DNAJA3: variants seen among roughly 807,000 people sequenced by gnomAD.
DNAJA3 encodes dnaJ homolog subfamily A member 3, mitochondrial.
In DNAJA3, 29 loss-of-function variants were observed where a neutral mutation model predicts 54.9. The ratio of observed to expected loss-of-function variants is 0.53; its 90% confidence interval spans 0.39 to 0.72. The LOEUF (loss-of-function observed/expected upper bound fraction) is 0.72. Among genes scored for constraint, DNAJA3 ranks in the 30% least tolerant of loss-of-function variants. The probability of loss-of-function intolerance (pLI) is 0.00; values close to 1 mark genes in which losing one functional copy is unlikely to be tolerated. For synonymous variants in DNAJA3, 302 were observed against 251.4 expected (o/e 1.20, Z -1.90); for missense variants, 708 against 639.4 (o/e 1.11, Z -1.16).
intron 1 of DNAJA3, among the ~76,000 whole-genome samples, chr16:4,429,467 C>T (rs370626224): frequency 6.6e-6 from 1 of 151,932 alleles, no homozygotes; most frequent in African/African-American, 2.4e-5. Flanking sequence ...ATGATCTGTC[C>T]ACCTCAGCCT....
In DNAJA3 at chr16:4,455,796, T is replaced by A; in HGVS notation, c.*264T>A. 1.7e-6 allele frequency: 1 copy of A among 594,050 alleles called. No homozygotes were observed. The highest frequency in any genetic ancestry group is 3.0e-6 in the Non-Finnish European group (1 of 332,632). 36.8% of individuals were successfully genotyped at this position (594,050 alleles called of 1,614,324 possible). On this transcript the variant is annotated 3_prime_UTR_variant, in exon 12 of 12. Transcript: ENST00000262375. ...CTGTCCATTGGTAGGTGACGGCCCC[T>A]GGCTCAGGCAGAGGGAGATGGTTAG...
chr16:4,453,381 C>T (rs1232712953), intron 10 of DNAJA3, among the ~76,000 whole-genome samples: 1 of 151,850 alleles, frequency 6.6e-6, no homozygotes, highest in Non-Finnish European at 1.5e-5. Context: ...GGGGGGCTTG[C>T]AATTACTATG....
At chr16:4,454,640 G>A (rs1156505417) in intron 10 of DNAJA3, among the ~76,000 whole-genome samples, 171 bp from the exon 11 acceptor site, 1 of 152,266 alleles carries the variant, frequency 6.6e-6, no homozygotes, top group African/African-American at 2.4e-5. Flanking sequence ...TCGTCTGCAA[G>A]GTGAGGCATC....
intron 10 of DNAJA3, among the ~76,000 whole-genome samples, chr16:4,454,372 G>C (rs891990112): frequency 6.6e-6 from 1 of 152,208 alleles, no homozygotes; most frequent in African/African-American, 2.4e-5. Flanking sequence ...CCTCCCGCTT[G>C]TTGGCTCTGT....
chr16:4,454,977 A>C, intron 11 of DNAJA3, 50 bp downstream of exon 11: 1 of 1,301,228 alleles, frequency 7.7e-7, no homozygotes, highest in East Asian at 2.4e-5. Flanking sequence ...TCTGTGAACT[A>C]ATCCTGGTTT....
rs142006885 is a variant in DNAJA3, at chr16:4,434,873, C to T, written c.345+356C>T. 2.9e-3 allele frequency among the ~76,000 whole-genome samples: 405 copies of T among 141,262 alleles called. 1 individual carries two copies. The highest frequency in any genetic ancestry group is 4.7e-3 in the Non-Finnish European group (307 of 65,924). 92.7% of individuals were successfully genotyped at this position (141,262 alleles called of 152,430 possible). Reference sequence around the variant, plus strand: ...ATAAAAGTTTAGAGGTTTAGAATTACTTCCTTTCCTTTCTTTTTTTTTTTT... The same window carrying T: ...ATAAAAGTTTAGAGGTTTAGAATTATTTCCTTTCCTTTCTTTTTTTTTTTT... On this transcript the variant is annotated intron_variant, in intron 2 of 11. Transcript: ENST00000262375.
At chr16:4,449,870 A>G (rs899577520) in intron 9 of DNAJA3, 3 of 150,190 alleles carry the variant, frequency 2.0e-5, no homozygotes, top group Admixed American at 1.3e-4. Flanking sequence ...CAGTGGTGCA[A>G]TCTCCACCTC....
Position 4,447,113 on chromosome 16 carries a change from C to G in DNAJA3, c.1125+99C>G, listed in dbSNP as rs368063153. On this transcript the variant is annotated intron_variant, in intron 8 of 11. Transcript: ENST00000262375. Reference sequence around the variant, plus strand: ...CAGTGGCCTGGAACCCATGAGTGACCAGCATGTGGGGGGGCACTCACAGGG... The same window carrying G: ...CAGTGGCCTGGAACCCATGAGTGACGAGCATGTGGGGGGGCACTCACAGGG... 4.5e-4 allele frequency: 651 copies of G among 1,438,766 alleles called. 2 individuals are homozygous for G. The Middle Eastern group carries it at 5.2e-3, about 12-fold the overall frequency. 89.1% of individuals were successfully genotyped at this position (1,438,766 alleles called of 1,614,324 possible).
chr16:4,442,731 T>C (rs1012921073), intron 5 of DNAJA3: 2 of 536,782 alleles, frequency 3.7e-6, no homozygotes, highest in Non-Finnish European at 6.5e-6. Flanking sequence ...TTAAATGTAC[T>C]GTTCAGCTCC....
chr16:4,439,355 CAAAA>C (rs537238066), intron 3 of DNAJA3, among the ~76,000 whole-genome samples: 1 of 100,480 alleles, frequency 1.0e-5, no homozygotes, highest in Non-Finnish European at 2.1e-5. Flanking sequence ...GACTCCCAAT[CAAAA>C]AAAAAAAAAA....
chr16:4,446,805 C>G, intron 7 of DNAJA3, 81 bp from the exon 8 acceptor site: 1 of 1,563,646 alleles, frequency 6.4e-7, no homozygotes, highest in Non-Finnish European at 8.7e-7. Context: ...CAGGTCTGAG[C>G]TTGGGCCTGG....
At chr16:4,450,181 G>T (rs2056960207) in intron 9 of DNAJA3, 1 of 487,422 alleles carries the variant, frequency 2.1e-6, no homozygotes. Context: ...AGTGACACTT[G>T]TTTAAATGAC....
intron 2 of DNAJA3, among the ~76,000 whole-genome samples, chr16:4,434,815 T>G (rs2056752881): frequency 6.6e-6 from 1 of 152,044 alleles, no homozygotes; most frequent in Admixed American, 6.6e-5. Context: ...GATATGCTAG[T>G]CTAAGTTTTA....
chr16:4,426,664 G>A (rs927230923), intron 1 of DNAJA3, among the ~76,000 whole-genome samples: 1 of 152,204 alleles, frequency 6.6e-6, no homozygotes, highest in Admixed American at 6.5e-5. Flanking sequence ...CTTTTTAGAA[G>A]TCTTTAGTTG....
chr16:4,430,033 A>G (rs978367131), intron 1 of DNAJA3, among the ~76,000 whole-genome samples: 6 of 151,574 alleles, frequency 4.0e-5, no homozygotes, highest in Admixed American at 6.6e-5. Context: ...CTGAGAAGCC[A>G]TGTGGTGGCG....
rs983906955 is a variant in DNAJA3 at position 4,455,041 on chromosome 16, C to T, written c.*13+114C>T. ...CACCCCCAGGAGTTGGAACAGGTGCCAGTCCAAGGTGTGGTAAACCTAGCT... is the reference window on the plus strand; with the variant it reads ...CACCCCCAGGAGTTGGAACAGGTGCTAGTCCAAGGTGTGGTAAACCTAGCT... On this transcript the variant is annotated intron_variant, in intron 11 of 11. Coordinates refer to ENST00000262375, the MANE Select transcript of DNAJA3 (RefSeq NM_005147.6). 14 of 726,176 alleles carry T rather than the reference C, an allele frequency of 1.9e-5. No individual in the cohort carries two copies. The East Asian group carries it at 2.2e-4, about 11-fold the overall frequency. The allele number at this position is 726,176 out of a possible 1,614,324, so 45.0% of individuals were successfully genotyped here.
chr16:4,447,807 G>C (rs1022756953), intron 8 of DNAJA3: 2 of 131,850 alleles, frequency 1.5e-5, no homozygotes, highest in Non-Finnish European at 3.4e-5. Flanking sequence ...AAACCCAAGT[G>C]GTGGTTCTTT....
intron 1 of DNAJA3, 36 bp from the exon 2 acceptor site, chr16:4,434,348 T>C (rs1197261234): frequency 1.9e-6 from 3 of 1,607,256 alleles, no homozygotes; most frequent in Non-Finnish European, 2.5e-6. Context: ...GTTGAGAACA[T>C]TCCCAGAGTG....
At chr16:4,438,056 C>A (rs1047701526) in intron 3 of DNAJA3, among the ~76,000 whole-genome samples, 2 of 152,096 alleles carry the variant, frequency 1.3e-5, no homozygotes. Context: ...GTGGCTCATG[C>A]CTGTAATCCC....
Sources: gnomAD v4.1 joint callset for allele counts (sites outside exome capture counted in the v4.1 genomes callset) on GRCh38, gnomAD v4.1.1 for gene constraint, MANE v1.5 for transcripts, NCBI Gene and HGNC (gene_info 2026-07-23, HGNC 2026-07-21) for gene names.